CORO1C: variants seen among roughly 807,000 people sequenced by gnomAD.
CORO1C encodes the protein coronin-1C.
CORO1C carries 14 observed loss-of-function variants against 51.2 expected under a neutral mutation model. The observed-to-expected ratio is 0.27, with a 90% CI of 0.18 to 0.43. CORO1C has a LOEUF of 0.43. Among genes scored for constraint, CORO1C ranks in the 20% least tolerant of loss-of-function variants. CORO1C has a pLI of 1.00. For synonymous variants in CORO1C, 181 were observed against 210.5 expected (o/e 0.86, Z 1.21); for missense variants, 417 against 607.8 (o/e 0.69, Z 3.30).
intron 3 of CORO1C, among the ~76,000 whole-genome samples, chr12:108,676,406 G>C (rs968908821): frequency 6.6e-6 from 1 of 152,120 alleles, no homozygotes; most frequent in East Asian, 1.9e-4. Context: ...GACCAGTAAT[G>C]CTAGAGACAG....
Position 108,662,074 on chromosome 12 carries a change from T to A in CORO1C, c.403A>T (p.Ile135Phe). The A allele has an allele frequency of 3.7e-6, 6 of 1,614,208 alleles. No homozygotes were observed. The highest frequency in any genetic ancestry group is 5.1e-6 in the Non-Finnish European group (6 of 1,180,034). ...ILEGHSKRVG[I>F]VAWHPTARNV... ...CGGGCCGTTGGATGCCAAGCCACGA[T>A]GCCGACTCTCTTTGAGTGGCCTTCC... The change falls in exon 4 of 11, where the codon ATC (isoleucine) becomes TTC (phenylalanine). Residue 135 changes from isoleucine to phenylalanine, a missense_variant. Physicochemically the swap from Ile to Phe is conservative, Grantham distance 21. Coordinates refer to ENST00000261401, the MANE Select transcript of CORO1C (RefSeq NM_014325.4).
At chr12:108,709,015 A>C (rs2035108165) in intron 1 of CORO1C, among the ~76,000 whole-genome samples, 1 of 151,968 alleles carries the variant, frequency 6.6e-6, no homozygotes, top group African/African-American at 2.4e-5. Context: ...TCAGCCTTCC[A>C]AACTGCTTGG....
At chr12:108,660,603 G>A (rs1251941942) in intron 4 of CORO1C, among the ~76,000 whole-genome samples, 1 of 152,168 alleles carries the variant, frequency 6.6e-6, no homozygotes, top group East Asian at 1.9e-4. Flanking sequence ...CCCGGCAGCT[G>A]GATCATATAG....
chr12:108,681,152 C>G (rs993339307), intron 2 of CORO1C, among the ~76,000 whole-genome samples: 14 of 152,292 alleles, frequency 9.2e-5, no homozygotes, highest in African/African-American at 3.1e-4. Context: ...AGGTGTGTGC[C>G]ACCATGCGTG....
Position 108,680,439 on chromosome 12 carries a change from A to G in CORO1C, c.196-2045T>C, listed in dbSNP as rs540607871. Among the ~76,000 whole-genome samples the G allele has an allele frequency of 3.3e-5, 5 of 152,348 alleles. No individual in the cohort carries two copies. In the South Asian group the frequency reaches 1.0e-3, roughly 32 times the overall value. On this transcript the variant is annotated intron_variant, in intron 2 of 10. Transcript: ENST00000261401. ...GAAATTCCAATGAACACCATATCATATAGAATCTGGGTGTCACAGGAAGGA... is the reference window on the plus strand; with the variant it reads ...GAAATTCCAATGAACACCATATCATGTAGAATCTGGGTGTCACAGGAAGGA...
intron 1 of CORO1C, among the ~76,000 whole-genome samples, chr12:108,705,883 C>T (rs868507467): frequency 2.6e-5 from 4 of 152,042 alleles, no homozygotes; most frequent in Non-Finnish European, 1.5e-5. Flanking sequence ...ACAATTATCT[C>T]AGACACAGAA....
intron 3 of CORO1C, among the ~76,000 whole-genome samples, chr12:108,667,957 T>C (rs555651259): frequency 1.8e-4 from 28 of 152,318 alleles, no homozygotes; most frequent in African/African-American, 6.3e-4. Flanking sequence ...ATTAGTTAAA[T>C]AGTTTTATTT....
intron 1 of CORO1C, chr12:108,730,813 C>T (rs1337541147): frequency 2.0e-5 from 3 of 152,812 alleles, no homozygotes; most frequent in Non-Finnish European, 4.4e-5. Flanking sequence ...GACCCCCAAC[C>T]GAGATCTGCA....
chr12:108,681,216 A>G (rs1454971915), intron 2 of CORO1C, among the ~76,000 whole-genome samples: 2 of 152,240 alleles, frequency 1.3e-5, no homozygotes, highest in Non-Finnish European at 2.9e-5. Flanking sequence ...GGAAGGCCAG[A>G]ATGAAGTTTG....
chr12:108,656,852 A>G (rs1276997995), intron 6 of CORO1C, among the ~76,000 whole-genome samples: 2 of 152,178 alleles, frequency 1.3e-5, no homozygotes, highest in Admixed American at 1.3e-4. Flanking sequence ...TGAAGGCAGC[A>G]TGCTCGTTAA....
In CORO1C at chr12:108,648,775, C is replaced by T. The variant is rs368084474; in HGVS notation, c.1135G>A (p.Glu379Lys). Residue 379 changes from glutamate to lysine, a missense_variant, in exon 10 of 11, where the codon GAA becomes AAA. By Grantham distance (56) the Glu-to-Lys change is moderately conservative (BLOSUM62 1). Transcript: ENST00000261401. ...EAALEAEEWFEGKNADPILIS... is the reference protein window; with the variant it reads ...EAALEAEEWFKGKNADPILIS... Reference sequence around the variant, plus strand: ...AGGATTGGGTCTGCATTCTTGCCTTCGAACCACTCTTCTGCCTCCAGCGCG... The same window carrying T: ...AGGATTGGGTCTGCATTCTTGCCTTTGAACCACTCTTCTGCCTCCAGCGCG... 19 of 1,614,198 alleles carry T rather than the reference C, an allele frequency of 1.2e-5. No homozygotes were observed. Among genetic ancestry groups the T allele is most frequent in the South Asian group, 5.5e-5 (5 of 91,082 alleles).
intron 1 of CORO1C, among the ~76,000 whole-genome samples, chr12:108,722,807 T>G (rs2035503207): frequency 6.6e-6 from 1 of 152,182 alleles, no homozygotes; most frequent in Non-Finnish European, 1.5e-5. Context: ...AACCATCCTT[T>G]GAAGGTATGA....
chr12:108,671,679 CTT>C (rs904637560), intron 3 of CORO1C, among the ~76,000 whole-genome samples: 5 of 152,126 alleles, frequency 3.3e-5, no homozygotes, highest in African/African-American at 9.7e-5. Context: ...TATAATCTGA[CTT>C]TGACAGCAAC....
intron 1 of CORO1C, among the ~76,000 whole-genome samples, chr12:108,706,243 T>C (rs971060223): frequency 6.7e-6 from 1 of 149,286 alleles, no homozygotes; most frequent in Non-Finnish European, 1.5e-5. Context: ...TACTCTTTCA[T>C]GATAAAACAC....
intron 1 of CORO1C, among the ~76,000 whole-genome samples, chr12:108,724,904 T>G (rs1411393594): frequency 6.6e-6 from 1 of 152,136 alleles, no homozygotes; most frequent in Non-Finnish European, 1.5e-5. Context: ...CAGGCCTAAT[T>G]TAACATACCA....
chr12:108,678,144 A>T, intron 3 of CORO1C, 128 bp downstream of exon 3: 1 of 683,600 alleles, frequency 1.5e-6, no homozygotes, highest in Non-Finnish European at 2.3e-6. Flanking sequence ...AATCCAACAG[A>T]CAGTCAAAAC....
chr12:108,648,658 T>G lies in CORO1C; in HGVS notation c.1252A>C (p.Lys418Gln), dbSNP rs776558672. 1 of 1,614,206 alleles carries G rather than the reference T, an allele frequency of 6.2e-7. No individual in the cohort carries two copies. The highest frequency in any genetic ancestry group is 1.1e-5 in the South Asian group (1 of 91,092). ...GGGATGCTGATCAGGTCGCACTTCT[T>G]GTTTGCAGTGGGCTTGCTATCCAGA... Reference protein sequence around the residue: ...NILDSKPTANKKCDLISIPKK... With the variant: ...NILDSKPTANQKCDLISIPKK... The change falls in exon 10 of 11, where the codon AAG becomes CAG. Residue 418 changes from lysine to glutamine, a missense_variant. Coordinates refer to ENST00000261401, the MANE Select transcript of CORO1C (RefSeq NM_014325.4).
At chr12:108,677,036 A>T (rs532063740) in intron 3 of CORO1C, among the ~76,000 whole-genome samples, 3 of 152,310 alleles carry the variant, frequency 2.0e-5, no homozygotes, top group African/African-American at 7.2e-5. Context: ...ATTTATGTAA[A>T]ATAATTTTAA....
At chr12:108,654,781 C>T (rs986595909) in intron 6 of CORO1C, among the ~76,000 whole-genome samples, 1 of 151,918 alleles carries the variant, frequency 6.6e-6, no homozygotes, top group Non-Finnish European at 1.5e-5. Context: ...CGGCTCACTG[C>T]AATCTCCGCC....
Sources: gnomAD v4.1 joint callset for allele counts (sites outside exome capture counted in the v4.1 genomes callset) on GRCh38, gnomAD v4.1.1 for gene constraint, MANE v1.5 for transcripts, NCBI Gene and HGNC (gene_info 2026-07-23, HGNC 2026-07-21) for gene names.